The following THRB variants were observed in gnomAD, a reference collection of about 807,000 sequenced individuals.
The protein encoded by THRB is nuclear receptor subfamily 1 group A member 2.
In THRB, 12 loss-of-function variants were observed where a neutral mutation model predicts 47.8. That is an observed-to-expected ratio of 0.25 (90% CI 0.16 to 0.41). The LOEUF (loss-of-function observed/expected upper bound fraction) is 0.41. THRB is among the 10% of genes least tolerant of loss of function. The pLI is 1.00. For synonymous variants in THRB, 218 were observed against 212.2 expected (o/e 1.03, Z -0.24); for missense variants, 348 against 589.2 (o/e 0.59, Z 4.24).
At chr3:24,233,894 T>A (rs1262477016) in intron 3 of THRB, among the ~76,000 whole-genome samples, 1 of 152,182 alleles carries the variant, frequency 6.6e-6, no homozygotes, top group Non-Finnish European at 1.5e-5. Flanking sequence ...CTGCCTGACG[T>A]CTAAGAAGAT....
chr3:24,266,505 A>C (rs1398537780), intron 3 of THRB, among the ~76,000 whole-genome samples: 1 of 152,168 alleles, frequency 6.6e-6, no homozygotes, highest in East Asian at 1.9e-4. Flanking sequence ...AGAAAACAGG[A>C]GCTCTTGTGT....
chr3:24,440,143 T>C (rs1032811919), intron 1 of THRB, among the ~76,000 whole-genome samples: 2 of 152,208 alleles, frequency 1.3e-5, no homozygotes. Flanking sequence ...GTTTCTAGAT[T>C]GATTTTTTTA....
At chr3:24,149,170 A>G (rs2036532380) in intron 6 of THRB, among the ~76,000 whole-genome samples, 1 of 152,212 alleles carries the variant, frequency 6.6e-6, no homozygotes, top group Admixed American at 6.5e-5. Context: ...GGAGAACTAA[A>G]GAAACCCAGA....
At chr3:24,240,028 T>C (rs1363193083) in intron 3 of THRB, among the ~76,000 whole-genome samples, 1 of 152,188 alleles carries the variant, frequency 6.6e-6, no homozygotes, top group Non-Finnish European at 1.5e-5. Flanking sequence ...AACATCCCAC[T>C]GTATTTCTGT....
At chr3:24,157,332 C>T (rs1479434173) in intron 5 of THRB, among the ~76,000 whole-genome samples, 1 of 151,860 alleles carries the variant, frequency 6.6e-6, no homozygotes, top group African/African-American at 2.4e-5. Context: ...CACTGAAGCA[C>T]TGGTGGGCGG....
intron 4 of THRB, among the ~76,000 whole-genome samples, chr3:24,193,468 A>G (rs963098049): frequency 2.6e-5 from 4 of 152,228 alleles, no homozygotes; most frequent in African/African-American, 9.6e-5. Flanking sequence ...CAGATTTTGA[A>G]TAAGCGTGTA....
chr3:24,272,347 A>AAACAACAACAACAACAAC (rs35975177), intron 3 of THRB, among the ~76,000 whole-genome samples: 2,180 of 149,854 alleles, frequency 0.015, 54 homozygotes, highest in African/African-American at 0.049. Context: ...CTCTCTCTCA[A>AAACAACAACAACAACAAC]AACAACAACA....
At chr3:24,229,350 C>T (rs1242181094) in intron 3 of THRB, among the ~76,000 whole-genome samples, 2 of 152,200 alleles carry the variant, frequency 1.3e-5, no homozygotes, top group African/African-American at 4.8e-5. Context: ...GATCTTGCTT[C>T]TCAAGGTGTG....
intron 5 of THRB, among the ~76,000 whole-genome samples, chr3:24,174,198 A>T (rs564222923): frequency 6.6e-6 from 1 of 151,908 alleles, no homozygotes; most frequent in Non-Finnish European, 1.5e-5. Flanking sequence ...TTAATAGATG[A>T]AAAAAAATCT....
intron 3 of THRB, among the ~76,000 whole-genome samples, chr3:24,283,830 A>G (rs1264023545): frequency 6.6e-6 from 1 of 151,978 alleles, no homozygotes; most frequent in African/African-American, 2.4e-5. Context: ...CCCATTCACA[A>G]TTGCTACAAA....
At chr3:24,362,257 C>G (rs143723685) in intron 1 of THRB, among the ~76,000 whole-genome samples, 7 of 152,042 alleles carry the variant, frequency 4.6e-5, no homozygotes, top group African/African-American at 7.2e-5. Context: ...CTATCCACCC[C>G]CTTCCCTACT....
chr3:24,238,667 C>G (rs1185126771), intron 3 of THRB, among the ~76,000 whole-genome samples: 1 of 152,108 alleles, frequency 6.6e-6, no homozygotes, highest in Admixed American at 6.5e-5. Context: ...CAGTGTCTCT[C>G]AGTCTGAGCC....
intron 1 of THRB, among the ~76,000 whole-genome samples, chr3:24,445,304 G>A (rs1373938151): frequency 6.6e-6 from 1 of 151,994 alleles, no homozygotes; most frequent in Non-Finnish European, 1.5e-5. Context: ...TAAAATACAG[G>A]TGGTTATTTA....
chr3:24,391,605 G>C (rs1431898166), intron 1 of THRB, among the ~76,000 whole-genome samples: 15 of 152,132 alleles, frequency 9.9e-5, no homozygotes, highest in Admixed American at 9.8e-4. Flanking sequence ...TCTCAGTTTA[G>C]AATATACGTA....
In THRB at chr3:24,348,011, G is replaced by A. The variant is rs180879578; in HGVS notation, c.-260-10640C>T. Among the ~76,000 whole-genome samples, 180 of 152,210 alleles carry A rather than the reference G, an allele frequency of 1.2e-3. 1 individual carries two copies. Among genetic ancestry groups the A allele is most frequent in the South Asian group, 4.1e-4 (2 of 4,826 alleles). On this transcript the variant is annotated intron_variant, in intron 1 of 10. Transcript: ENST00000646209. ...ATGAGGCCAGCATAGTCTTGATCCCGTAACAGTATAAGGGTATTATAAGAA... is the reference window on the plus strand; with the variant it reads ...ATGAGGCCAGCATAGTCTTGATCCCATAACAGTATAAGGGTATTATAAGAA...
intron 9 of THRB, among the ~76,000 whole-genome samples, chr3:24,127,962 C>T (rs1374507772): frequency 1.3e-5 from 2 of 152,194 alleles, no homozygotes; most frequent in Admixed American, 1.3e-4. Context: ...TAATCTTCAC[C>T]AACTTTAACC....
At chr3:24,199,487 A>G (rs1372173741) in intron 4 of THRB, among the ~76,000 whole-genome samples, 1 of 152,102 alleles carries the variant, frequency 6.6e-6, no homozygotes, top group Non-Finnish European at 1.5e-5. Context: ...ATTGGTGGGG[A>G]TTATCAGTCC....
intron 1 of THRB, among the ~76,000 whole-genome samples, chr3:24,431,666 C>T (rs1274047253): frequency 6.6e-6 from 1 of 152,068 alleles, no homozygotes; most frequent in East Asian, 1.9e-4. Context: ...ACCAAAGACA[C>T]ATGGAAGGAA....
At chr3:24,125,388 T>A (rs926065281) in intron 10 of THRB, among the ~76,000 whole-genome samples, 1 of 152,210 alleles carries the variant, frequency 6.6e-6, no homozygotes. Flanking sequence ...AAGAAAACCG[T>A]CAGAGAAACA....
Sources: allele counts gnomAD v4.1 joint callset (sites outside exome capture counted in the v4.1 genomes callset), GRCh38; gene constraint gnomAD v4.1.1; transcripts MANE v1.5; gene names NCBI Gene and HGNC (gene_info 2026-07-23, HGNC 2026-07-21).